Variants in PCDHGA4 observed in about 807,000 individuals in gnomAD.
PCDHGA4 encodes protocadherin gamma subfamily A, 4, also known as protocadherin gamma-A4.
Under a neutral mutation model 54.6 loss-of-function variants are expected in PCDHGA4, and 38 were observed. The observed-to-expected ratio is 0.70, with a 90% CI of 0.54 to 0.91. The LOEUF (loss-of-function observed/expected upper bound fraction) is 0.91, where lower values mean the gene tolerates loss of function less well. PCDHGA4 is among the 40% of genes least tolerant of loss of function. The pLI is 0.00. For synonymous variants in PCDHGA4, 511 were observed against 512.9 expected, an observed-to-expected ratio of 1.00 and a Z score of 0.05; for missense variants, 1,298 against 1,220.9, an observed-to-expected ratio of 1.06 and a Z score of -0.94.
chr5:141,398,241 C>G, intron 1 of PCDHGA4: 1 of 1,474,150 alleles, frequency 6.8e-7, no homozygotes, highest in South Asian at 1.2e-5. Context: ...ACAGGATTCC[C>G]GAGGAAATGC....
intron 1 of PCDHGA4, chr5:141,408,653 C>T (rs1589679123): frequency 6.2e-7 from 1 of 1,613,982 alleles, no homozygotes; most frequent in African/African-American, 1.3e-5. Context: ...CGCTGGTACA[C>T]GACTATCGCT....
rs190955361 is a variant in PCDHGA4, at chr5:141,486,090, G to A, written c.2515-8717G>A. On this transcript the variant is annotated intron_variant, in intron 1 of 3. Transcript: ENST00000571252. The surrounding 1 kb of genome is among the most constrained non-coding windows in gnomAD (Gnocchi z 5.0). ...ACTACTGGAAAGCTTACTCTTTTGG[G>A]GCCCCTAGACTTTGAGAGTGAGAAT... 3 of 1,614,086 alleles carry A rather than the reference G, an allele frequency of 1.9e-6. No homozygotes were observed. The highest frequency in any genetic ancestry group is 1.6e-4 in the Middle Eastern group (1 of 6,062).
At chr5:141,500,582 T>G (rs534297929) in intron 2 of PCDHGA4, among the ~76,000 whole-genome samples, 29 of 152,314 alleles carry the variant, frequency 1.9e-4, no homozygotes, top group African/African-American at 6.7e-4. Flanking sequence ...ATGTGACACT[T>G]TATTCACATA....
intron 1 of PCDHGA4, chr5:141,428,296 AT>A: frequency 1.4e-6 from 1 of 713,574 alleles, no homozygotes; most frequent in Non-Finnish European, 2.5e-6. Flanking sequence ...AAAGCTGCAG[AT>A]TTACCTGGTC....
intron 1 of PCDHGA4, chr5:141,417,739 C>T: frequency 6.4e-6 from 9 of 1,411,706 alleles, no homozygotes; most frequent in Non-Finnish European, 5.6e-6. Flanking sequence ...GCCCAGCACA[C>T]CAGATTGCCA....
intron 2 of PCDHGA4, among the ~76,000 whole-genome samples, chr5:141,497,706 A>G (rs2099778850): frequency 6.6e-6 from 1 of 151,956 alleles, no homozygotes; most frequent in Middle Eastern, 3.2e-3. Flanking sequence ...CACCCAGCTC[A>G]TTTTTGTATT....
At chr5:141,410,914 C>T (rs1399369063) in intron 1 of PCDHGA4, 4 of 246,122 alleles carry the variant, frequency 1.6e-5, no homozygotes, top group Admixed American at 6.8e-5. Context: ...AGTGCAGTGG[C>T]GTGATCTCTG....
Position 141,432,670 on chromosome 5 carries a change from G to A in PCDHGA4, c.2515-62137G>A, listed in dbSNP as rs749221752. ...CGCGAGCCCTGCTGGACAGAGACGC[G>A]CTCAAGCAGAGCCTCGTAGTGGCCG... On this transcript the variant is annotated intron_variant, in intron 1 of 3. Coordinates refer to ENST00000571252, the MANE Select transcript of PCDHGA4 (RefSeq NM_018917.4). The surrounding 1 kb of genome is among the most constrained non-coding windows in gnomAD (Gnocchi z 6.0). The A allele has an allele frequency of 6.8e-6, 11 of 1,613,748 alleles. No individual in the cohort carries two copies. The East Asian group carries it at 1.8e-4, about 26-fold the overall frequency.
chr5:141,480,951 G>A (rs924500955), intron 1 of PCDHGA4, among the ~76,000 whole-genome samples: 4 of 152,038 alleles, frequency 2.6e-5, no homozygotes, highest in Non-Finnish European at 2.9e-5. Flanking sequence ...AGGCTGAGGC[G>A]GAAGCATCAG....
In PCDHGA4 at chr5:141,487,493, C is replaced by T; in HGVS notation, c.2515-7314C>T. 6.2e-7 allele frequency: 1 copy of T among 1,614,168 alleles called. No individual in the cohort carries two copies. The highest frequency in any genetic ancestry group is 1.1e-5 in the South Asian group (1 of 91,088). On this transcript the variant is annotated intron_variant, in intron 1 of 3. Coordinates refer to ENST00000571252, the MANE Select transcript of PCDHGA4 (RefSeq NM_018917.4). The surrounding 1 kb of genome is among the most constrained non-coding windows in gnomAD (Gnocchi z 5.0). ...GGGAGGCCACTCTCATGGCTGTACA[C>T]CCTTGGCTTCTGCACCCACTCGGAG...
rs999687684 is a variant in PCDHGA4 at position 141,431,598 on chromosome 5, C to G, written c.2515-63209C>G. 1 of 1,614,074 alleles carries G rather than the reference C, an allele frequency of 6.2e-7. No individual in the cohort carries two copies. The highest frequency in any genetic ancestry group is 1.3e-5 in the African/African-American group (1 of 74,938). On this transcript the variant is annotated intron_variant, in intron 1 of 3. Transcript: ENST00000571252. This position sits in a 1 kb window ranked among gnomAD's most constrained non-coding sequence, Gnocchi z 4.8. ...GGAGTCAATGCGGAAGTGAGGTATT[C>G]CTTCCGGTATGTGGACGACAAGGCG...
chr5:141,463,596 C>T (rs922480221), intron 1 of PCDHGA4, among the ~76,000 whole-genome samples: 5 of 151,874 alleles, frequency 3.3e-5, no homozygotes, highest in Admixed American at 2.0e-4. Flanking sequence ...CTACAGGTGC[C>T]TGCCACCATG....
At chr5:141,383,850 G>T (rs893832219) in intron 1 of PCDHGA4, 2 of 1,613,808 alleles carry the variant, frequency 1.2e-6, no homozygotes, top group African/African-American at 2.7e-5. Context: ...TCTATGAAAT[G>T]GAGGTTCAGG....
intron 1 of PCDHGA4, chr5:141,421,961 A>G: frequency 6.2e-7 from 1 of 1,612,542 alleles, no homozygotes; most frequent in Non-Finnish European, 8.5e-7. Context: ...ATGTTTACAC[A>G]GTCCGTATAT....
intron 1 of PCDHGA4, among the ~76,000 whole-genome samples, chr5:141,481,913 CAAAAA>C (rs34114744): frequency 1.1e-5 from 1 of 90,852 alleles, no homozygotes; most frequent in Non-Finnish European, 2.2e-5. Flanking sequence ...AACTCCATCT[CAAAAA>C]AAAAAAAAAA....
rs2099627530 is a variant in PCDHGA4, at chr5:141,486,292, T to C, written c.2515-8515T>C. On this transcript the variant is annotated intron_variant, in intron 1 of 3. Transcript: ENST00000571252. This position sits in a 1 kb window ranked among gnomAD's most constrained non-coding sequence, Gnocchi z 5.0. ...CTGGCACTGTGGTGGCACTTATCAGTGTGCAGGATCCAGACTCAGGGTCAA... is the reference window on the plus strand; with the variant it reads ...CTGGCACTGTGGTGGCACTTATCAGCGTGCAGGATCCAGACTCAGGGTCAA... 5 of 1,613,970 alleles carry C rather than the reference T, an allele frequency of 3.1e-6. No individual in the cohort carries two copies. The highest frequency in any genetic ancestry group is 4.2e-6 in the Non-Finnish European group (5 of 1,179,982).
rs771313271 is a variant in PCDHGA4 at position 141,477,861 on chromosome 5, G to C, written c.2515-16946G>C. 1.2e-6 allele frequency: 2 copies of C among 1,612,714 alleles called. No individual in the cohort carries two copies. Among genetic ancestry groups the C allele is most frequent in the South Asian group, 1.1e-5 (1 of 90,968 alleles). On this transcript the variant is annotated intron_variant, in intron 1 of 3. Transcript: ENST00000571252. The surrounding 1 kb of genome is among the most constrained non-coding windows in gnomAD (Gnocchi z 4.9). ...GGGAGCTCGGTGGAGATGCTGCCTC[G>C]AGGTACCTCAGCTGGCCACCTAGTG...
intron 2 of PCDHGA4, among the ~76,000 whole-genome samples, chr5:141,498,114 G>C (rs1336064850): frequency 6.6e-6 from 1 of 152,196 alleles, no homozygotes; most frequent in East Asian, 1.9e-4. Flanking sequence ...CGTATAATAG[G>C]GATTTGATTT....
At chr5:141,377,359 T>A (rs1773912257) in intron 1 of PCDHGA4, 1 of 152,146 alleles carries the variant, frequency 6.6e-6, no homozygotes, top group South Asian at 2.1e-4. Flanking sequence ...TAATCCCACC[T>A]CTTCAGGAGG....
Sources: allele counts gnomAD v4.1 joint callset (sites outside exome capture counted in the v4.1 genomes callset), GRCh38; gene constraint gnomAD v4.1.1; non-coding constraint Gnocchi (gnomAD v3.1); transcripts MANE v1.5; gene names NCBI Gene and HGNC (gene_info 2026-07-23, HGNC 2026-07-21).